Variants in CNTLN observed in about 807,000 individuals in gnomAD.
CNTLN encodes centlein, centrosomal protein.
CNTLN carries 212 observed loss-of-function variants against 180.0 expected under a neutral mutation model. The ratio of observed to expected loss-of-function variants is 1.18; its 90% CI spans 1.05 to 1.32. The LOEUF is 1.32. CNTLN is among the 40% of genes most tolerant of loss of function. CNTLN has a pLI of 0.00. For missense variants in CNTLN, 2,095 were observed against 1,610.9 expected (o/e 1.30, Z -5.14); for synonymous variants, 722 against 563.1 (o/e 1.28, Z -3.99).
chr9:17,175,078 C>T (rs190898097), intron 2 of CNTLN, among the ~76,000 whole-genome samples: 238 of 152,198 alleles, frequency 1.6e-3, no homozygotes, highest in Non-Finnish European at 2.5e-3. Flanking sequence ...AATATTGTCT[C>T]CCAGTCTATA....
intron 2 of CNTLN, among the ~76,000 whole-genome samples, chr9:17,222,476 A>T (rs900912966): frequency 1.3e-5 from 2 of 152,018 alleles, no homozygotes; most frequent in Non-Finnish European, 2.9e-5. Flanking sequence ...GTAGTGAAAT[A>T]TCGTGGTATA....
intron 12 of CNTLN, among the ~76,000 whole-genome samples, chr9:17,346,744 C>A (rs1404761457): frequency 1.3e-5 from 2 of 152,096 alleles, no homozygotes; most frequent in Admixed American, 1.3e-4. Flanking sequence ...TTTCTTGAAT[C>A]CCTAGGTTTG....
intron 22 of CNTLN, among the ~76,000 whole-genome samples, 186 bp downstream of exon 22, chr9:17,466,304 A>G (rs1487427587): frequency 2.0e-5 from 3 of 151,456 alleles, no homozygotes; most frequent in Non-Finnish European, 3.0e-5. Context: ...ATATTTCTGT[A>G]TTAGAGAAAA....
intron 2 of CNTLN, among the ~76,000 whole-genome samples, chr9:17,186,084 G>C (rs1184569327): frequency 6.6e-6 from 1 of 152,104 alleles, no homozygotes; most frequent in Non-Finnish European, 1.5e-5. Flanking sequence ...GAGCCACCGT[G>C]TCAGCCCCTC....
intron 13 of CNTLN, among the ~76,000 whole-genome samples, chr9:17,376,904 T>G (rs1416784455): frequency 6.6e-6 from 1 of 152,196 alleles, no homozygotes; most frequent in African/African-American, 2.4e-5. Flanking sequence ...GTAAATGAAC[T>G]GTAAACTTTA....
At chr9:17,219,039 A>T (rs1048286146) in intron 2 of CNTLN, among the ~76,000 whole-genome samples, 8 of 152,146 alleles carry the variant, frequency 5.3e-5, no homozygotes, top group Admixed American at 4.6e-4. Context: ...AAAATGTTTA[A>T]ATGGGAAGTA....
At chr9:17,475,157 C>T (rs1490971969) in intron 23 of CNTLN, among the ~76,000 whole-genome samples, 1 of 152,068 alleles carries the variant, frequency 6.6e-6, no homozygotes, top group Non-Finnish European at 1.5e-5. Flanking sequence ...CTTGTCACTA[C>T]TTGAGGTCTC....
intron 10 of CNTLN, among the ~76,000 whole-genome samples, chr9:17,340,422 G>A (rs899777253): frequency 6.6e-6 from 1 of 152,066 alleles, no homozygotes; most frequent in African/African-American, 2.4e-5. Flanking sequence ...TTCTTACTCT[G>A]ATTAATGTTC....
intron 2 of CNTLN, among the ~76,000 whole-genome samples, chr9:17,179,584 A>C (rs1820992156): frequency 2.0e-5 from 3 of 152,204 alleles, no homozygotes; most frequent in African/African-American, 7.2e-5. Context: ...TTTGTGGCCC[A>C]AAGTATGGTT....
chr9:17,292,161 GA>G (rs1829459488), intron 6 of CNTLN, among the ~76,000 whole-genome samples: 1 of 152,150 alleles, frequency 6.6e-6, no homozygotes, highest in African/African-American at 2.4e-5. Context: ...TTTCTGCTGA[GA>G]AGTTTGCTGT....
the CNTLN span, among the ~76,000 whole-genome samples, chr9:17,514,795 C>G: frequency 1.3e-5 from 2 of 152,152 alleles, no homozygotes; most frequent in South Asian, 2.1e-4. Context: ...GTTTGGCATA[C>G]AGAATTATTG....
rs1824453524 is a variant in CNTLN, at chr9:17,226,207, A to C, written c.454A>C (p.Lys152Gln). The C allele has an allele frequency of 5.2e-6, 8 of 1,550,978 alleles. No homozygotes were observed. Among genetic ancestry groups the C allele is most frequent in the Non-Finnish European group, 7.0e-6 (8 of 1,145,184 alleles). The change falls in exon 3 of 26, where the codon AAA (lysine) becomes CAA (glutamine). Residue 152 changes from lysine to glutamine, a missense_variant. Lys to Gln is a moderately conservative substitution (Grantham distance 53). Coordinates refer to ENST00000380647, the MANE Select transcript of CNTLN (RefSeq NM_017738.4). The stretch of plus-strand genomic sequence containing the variant: ...CTCTCTATATTTTATATCTAGAGAA[A>C]AACAGAAATCTGAAGCTAAAGACAG... ...QVVSLVVEREKQKSEAKDRKV... is the reference protein window; with the variant it reads ...QVVSLVVEREQQKSEAKDRKV...
At chr9:17,251,706 C>T (rs1010667921) in intron 5 of CNTLN, among the ~76,000 whole-genome samples, 23 of 151,808 alleles carry the variant, frequency 1.5e-4, no homozygotes, top group East Asian at 3.9e-4. Flanking sequence ...TTGGGGTCTC[C>T]GTCACCTTGA....
chr9:17,390,235 C>CT lies in CNTLN; in HGVS notation c.2079+2003dup, dbSNP rs35329298. ...TGTATTTCAGTTTTGAAAAGAGCCT[C>CT]TTTTTTTTTTTTTTTTTTTTTGGAG... On this transcript the variant is annotated intron_variant, in intron 14 of 25. Transcript: ENST00000380647. 7.2e-3 allele frequency among the ~76,000 whole-genome samples: 554 copies of CT among 77,360 alleles called. 33 individuals carry two copies. The highest frequency in any genetic ancestry group is 0.022 in the African/African-American group (456 of 20,542). The allele number at this position is 77,360 out of a possible 152,430, so 50.8% of individuals were successfully genotyped here.
chr9:17,362,383 G>T (rs1823468924), intron 12 of CNTLN, among the ~76,000 whole-genome samples: 1 of 152,122 alleles, frequency 6.6e-6, no homozygotes, highest in Non-Finnish European at 1.5e-5. Context: ...CTATCAATCT[G>T]TAATGGACCT....
In CNTLN at chr9:17,177,741, T is replaced by C. The variant is rs576716895; in HGVS notation, c.449+34365T>C. Among the ~76,000 whole-genome samples, 5 of 152,220 alleles carry C rather than the reference T, an allele frequency of 3.3e-5. No homozygotes were observed. The South Asian group carries it at 1.0e-3, about 32-fold the overall frequency. ...GCTTCAGGACTGAAGCTGCAGACCT[T>C]CGCGGTGAGTGTTACAGCTCATAAA... On this transcript the variant is annotated intron_variant, in intron 2 of 25. Transcript: ENST00000380647.
chr9:17,527,778 AT>A, the CNTLN span, among the ~76,000 whole-genome samples: 1 of 152,058 alleles, frequency 6.6e-6, no homozygotes, highest in Non-Finnish European at 1.5e-5. Flanking sequence ...GGGGCAGGAA[AT>A]ATACAAGATG....
chr9:17,270,021 C>A (rs866494973), intron 5 of CNTLN, among the ~76,000 whole-genome samples: 24 of 152,186 alleles, frequency 1.6e-4, no homozygotes, highest in Admixed American at 3.3e-4. Context: ...TTGCTCAACT[C>A]TAGCTCTAAG....
chr9:17,435,509 G>T (rs879694848), intron 18 of CNTLN, among the ~76,000 whole-genome samples: 1 of 151,882 alleles, frequency 6.6e-6, no homozygotes, highest in Admixed American at 6.6e-5. Flanking sequence ...ATATGAAGTG[G>T]AATTTGACCT....
Sources: allele counts gnomAD v4.1 joint callset (sites outside exome capture counted in the v4.1 genomes callset), GRCh38; gene constraint gnomAD v4.1.1; transcripts MANE v1.5; gene names NCBI Gene and HGNC (gene_info 2026-07-23, HGNC 2026-07-21).